Variants in AFF1 observed in about 807,000 individuals in gnomAD.
AFF1 encodes ALF transcription elongation factor 1, also known as AF4/FMR2 family member 1.
AFF1 carries 48 observed loss-of-function variants against 121.7 expected under a neutral mutation model. The ratio of observed to expected loss-of-function variants is 0.39; its 90% CI spans 0.31 to 0.50. The LOEUF (loss-of-function observed/expected upper bound fraction) is 0.50. Among genes scored for constraint, AFF1 ranks in the 20% least tolerant of loss-of-function variants. The probability of loss-of-function intolerance (pLI) is 0.76; values close to 1 mark genes in which losing one functional copy is unlikely to be tolerated. For synonymous variants in AFF1, 613 were observed against 563.0 expected, an observed-to-expected ratio of 1.09 and a Z score of -1.26; for missense variants, 1,523 against 1,511.7, an observed-to-expected ratio of 1.01 and a Z score of -0.12.
chr4:87,025,338 C>T (rs1728418615), intron 2 of AFF1, among the ~76,000 whole-genome samples: 1 of 152,192 alleles, frequency 6.6e-6, no homozygotes, highest in East Asian at 1.9e-4. Context: ...TGGTACAATT[C>T]TCATCTCTAT....
intron 2 of AFF1, among the ~76,000 whole-genome samples, chr4:86,977,627 G>A (rs1263388691): frequency 6.6e-6 from 1 of 152,114 alleles, no homozygotes; most frequent in Admixed American, 6.6e-5. Context: ...TATCTCTGCT[G>A]TGGCGTTTTC....
chr4:87,121,695 A>G (rs1727711296), intron 12 of AFF1, among the ~76,000 whole-genome samples: 1 of 152,264 alleles, frequency 6.6e-6, no homozygotes, highest in East Asian at 1.9e-4. Context: ...CAGCTTATAG[A>G]ATATTATCTG....
intron 1 of AFF1, among the ~76,000 whole-genome samples, chr4:86,944,378 T>G (rs999182301): frequency 3.3e-5 from 5 of 151,894 alleles, no homozygotes; most frequent in Non-Finnish European, 7.4e-5. Flanking sequence ...TGGAGGTTTT[T>G]TTTTTTTTTG....
At chr4:87,090,401 T>C (rs2149714386) in intron 6 of AFF1, among the ~76,000 whole-genome samples, 1 of 152,342 alleles carries the variant, frequency 6.6e-6, no homozygotes, top group East Asian at 1.9e-4. Flanking sequence ...GAATTAGATA[T>C]ATGCACATAC....
At chr4:87,001,308 C>T (rs965013745) in intron 2 of AFF1, among the ~76,000 whole-genome samples, 11 of 149,918 alleles carry the variant, frequency 7.3e-5, no homozygotes, top group African/African-American at 2.7e-4. Flanking sequence ...CCTCCCCCTC[C>T]CAGGTTCAAG....
chr4:86,950,079 C>T lies in AFF1; in HGVS notation c.38+1508C>T, dbSNP rs1229689041. 58 of 1,613,958 alleles carry T rather than the reference C, an allele frequency of 3.6e-5. No individual in the cohort carries two copies. In the South Asian group the frequency reaches 4.8e-4, roughly 13 times the overall value. On this transcript the variant is annotated intron_variant, in intron 2 of 20. Coordinates refer to ENST00000395146, the MANE Select transcript of AFF1 (RefSeq NM_001166693.3). ...TTGATGTAATAGGCCATCCACGCGG[C>T]GAAGCCCCAGTAGTAGGTGCAGTTC...
In AFF1 at chr4:87,135,942, A is replaced by G. The variant is rs114444671; in HGVS notation, c.*241A>G. The stretch of plus-strand genomic sequence containing the variant: ...GAGATGATCTTGCCCTTCCTAACTA[A>G]AGGACAGAAGTGCAATTTAGCTTAA... On this transcript the variant is annotated 3_prime_UTR_variant, in exon 21 of 21. Coordinates refer to ENST00000395146, the MANE Select transcript of AFF1 (RefSeq NM_001166693.3). 3,984 of 484,606 alleles carry G rather than the reference A, an allele frequency of 8.2e-3. 143 individuals carry two copies. Among genetic ancestry groups the G allele is most frequent in the African/African-American group, 0.072 (3,655 of 50,664 alleles). 30.0% of individuals were successfully genotyped at this position (484,606 alleles called of 1,614,324 possible).
chr4:87,026,545 A>C (rs746872907), intron 2 of AFF1, among the ~76,000 whole-genome samples: 1 of 152,098 alleles, frequency 6.6e-6, no homozygotes, highest in Non-Finnish European at 1.5e-5. Flanking sequence ...GGGGACCTTG[A>C]GTGGCCATCC....
At chr4:87,068,257 G>GCTCC (rs1553925971) in intron 4 of AFF1, among the ~76,000 whole-genome samples, 1 of 120,132 alleles carries the variant, frequency 8.3e-6, no homozygotes, top group Non-Finnish European at 1.7e-5. Flanking sequence ...CATGAAAATT[G>GCTCC]CCCCCCCCCC....
chr4:87,024,182 A>T (rs1255472459), intron 2 of AFF1, among the ~76,000 whole-genome samples: 1 of 152,168 alleles, frequency 6.6e-6, no homozygotes, highest in Non-Finnish European at 1.5e-5. Context: ...TCTACTCCAG[A>T]CTTACATGTA....
chr4:87,009,029 AAT>A (rs1380979839), intron 2 of AFF1, among the ~76,000 whole-genome samples: 1 of 152,222 alleles, frequency 6.6e-6, no homozygotes, highest in Non-Finnish European at 1.5e-5. Context: ...AGATCTCAGT[AAT>A]ATAGCGCAGG....
chr4:87,105,607 C>G, intron 8 of AFF1, 21 bp from the exon 9 acceptor site: 1 of 1,613,942 alleles, frequency 6.2e-7, no homozygotes, highest in Non-Finnish European at 8.5e-7. Context: ...TCATTCTTCT[C>G]TGTGTCCCTG....
At chr4:87,134,430 GTGAC>G (rs1729123700) in intron 19 of AFF1, 37 bp from the exon 20 acceptor site, 2 of 1,520,822 alleles carry the variant, frequency 1.3e-6, no homozygotes, top group Non-Finnish European at 1.8e-6. Flanking sequence ...GGGTCTACTG[GTGAC>G]TGACTGATCA....
At chr4:87,022,555 T>G (rs1004579562) in intron 2 of AFF1, among the ~76,000 whole-genome samples, 24 of 51,376 alleles carry the variant, frequency 4.7e-4, no homozygotes, top group Admixed American at 7.9e-4. Flanking sequence ...TATATATATA[T>G]ATATATATAT....
intron 2 of AFF1, among the ~76,000 whole-genome samples, chr4:87,022,631 TGTG>T: frequency 6.9e-6 from 1 of 145,524 alleles, no homozygotes; most frequent in East Asian, 2.0e-4. Context: ...TGTATATATA[TGTG>T]CGTGTATATA....
chr4:87,132,205 G>A, intron 18 of AFF1, 66 bp from the exon 19 acceptor site: 1 of 1,567,000 alleles, frequency 6.4e-7, no homozygotes, highest in Middle Eastern at 1.7e-4. Flanking sequence ...GGCTATAAAA[G>A]GTTAGATGGC....
chr4:87,104,280 C>T (rs1725699352), intron 8 of AFF1, among the ~76,000 whole-genome samples: 1 of 152,186 alleles, frequency 6.6e-6, no homozygotes, highest in Non-Finnish European at 1.5e-5. Flanking sequence ...TGGCCTGTGC[C>T]TGTAGTCCCA....
chr4:86,999,810 C>T (rs1218030801), intron 2 of AFF1, among the ~76,000 whole-genome samples: 2 of 151,362 alleles, frequency 1.3e-5, no homozygotes, highest in African/African-American at 4.9e-5. Context: ...AAGCCGACTT[C>T]TCTTGGTGTA....
rs369819867 is a variant in AFF1, at chr4:87,115,068, A to G, written c.2235A>G (p.Arg745=). 30 of 1,613,422 alleles carry G rather than the reference A, an allele frequency of 1.9e-5. No homozygotes were observed. The highest frequency in any genetic ancestry group is 2.2e-5 in the Non-Finnish European group (26 of 1,179,898). Residue 745 remains arginine, a synonymous_variant, in exon 12 of 21, where the codon AGA becomes AGG. Transcript: ENST00000395146. ...VVVQEDSRKD[R]LPLPLRDTKL... is the part of the protein sequence containing the mutation. ...TCCAGGAGGACAGCCGCAAAGACAG[A>G]CTCCCATTGCCTTTGAGAGACACCA...
Sources: allele counts gnomAD v4.1 joint callset (sites outside exome capture counted in the v4.1 genomes callset), GRCh38; gene constraint gnomAD v4.1.1; transcripts MANE v1.5; gene names NCBI Gene and HGNC (gene_info 2026-07-23, HGNC 2026-07-21).